VPS13D: variants seen among roughly 807,000 people sequenced by gnomAD.
VPS13D encodes the protein intermembrane lipid transfer protein VPS13D.
VPS13D carries 187 observed loss-of-function variants against 461.9 expected under a neutral mutation model. The ratio of observed to expected loss-of-function variants is 0.40; its 90% CI spans 0.36 to 0.46. VPS13D has a LOEUF of 0.46. Among genes scored for constraint, VPS13D ranks in the 20% least tolerant of loss-of-function variants. The pLI is 0.60. For synonymous variants in VPS13D, 1,951 were observed against 1,986.3 expected (o/e 0.98, Z 0.47); for missense variants, 4,711 against 5,364.9 (o/e 0.88, Z 3.81).
chr1:12,327,631 T>C lies in VPS13D; in HGVS notation c.7991-17T>C, dbSNP rs200485091. On this transcript the variant is annotated splice_polypyrimidine_tract_variant and intron_variant, in intron 35 of 69. Coordinates refer to ENST00000620676, the MANE Select transcript of VPS13D (RefSeq NM_015378.4). ...GTGGAAGCTGGTAGAACTGATCACT[T>C]CTTAATTTCTTTGAAGGCCAATTGA... is the stretch of plus-strand genomic sequence containing the variant. The C allele has an allele frequency of 2.2e-4, 361 of 1,613,610 alleles. No individual in the cohort carries two copies. In the African/African-American group the frequency reaches 4.4e-3, roughly 20 times the overall value.
chr1:12,424,240 T>A (rs962592012), intron 65 of VPS13D, among the ~76,000 whole-genome samples: 64 of 152,228 alleles, frequency 4.2e-4, no homozygotes, highest in African/African-American at 1.3e-3. Flanking sequence ...CCCGAGGGAT[T>A]TCTTTTCCAG....
chr1:12,244,551 G>C lies in VPS13D; in HGVS notation c.381G>C (p.Gln127His). Residue 127 changes from glutamine (Q) to histidine (H), a missense_variant, in exon 5 of 70, where the codon CAG becomes CAC. Gln to His is a conservative substitution (Grantham distance 24). Coordinates refer to ENST00000620676, the MANE Select transcript of VPS13D (RefSeq NM_015378.4). ...LEEKWKNDRQ[Q>H]KGESYWYSVT... ...TGTCTTTGTAGAATGACCGCCAGCAGAAAGGGGAGTCCTATTGGTATTCAG... is the reference window on the plus strand; with the variant it reads ...TGTCTTTGTAGAATGACCGCCAGCACAAAGGGGAGTCCTATTGGTATTCAG... The C allele has an allele frequency of 6.2e-7, 1 of 1,614,226 alleles. No homozygotes were observed. Among genetic ancestry groups the C allele is most frequent in the East Asian group, 2.2e-5 (1 of 44,892 alleles).
At chr1:12,305,144 G>A (rs1029435026) in intron 26 of VPS13D, among the ~76,000 whole-genome samples, 3 of 152,150 alleles carry the variant, frequency 2.0e-5, no homozygotes, top group Non-Finnish European at 2.9e-5. Flanking sequence ...CGTAAATTAG[G>A]CAACAACAGA....
intron 46 of VPS13D, among the ~76,000 whole-genome samples, chr1:12,351,038 C>T (rs1643779795): frequency 1.3e-5 from 2 of 152,162 alleles, no homozygotes; most frequent in Admixed American, 6.5e-5. Flanking sequence ...AGAACTTCAA[C>T]TGTTAGAAAA....
intron 67 of VPS13D, among the ~76,000 whole-genome samples, chr1:12,487,806 G>A (rs997234662): frequency 2.6e-5 from 4 of 152,248 alleles, no homozygotes; most frequent in Non-Finnish European, 2.9e-5. Flanking sequence ...GCGGTTGTAC[G>A]TACTAAGATT....
At chr1:12,408,091 C>T (rs1351957571) in intron 63 of VPS13D, among the ~76,000 whole-genome samples, 1 of 152,134 alleles carries the variant, frequency 6.6e-6, no homozygotes, top group East Asian at 1.9e-4. Context: ...GAAAATAAGG[C>T]CTGCTCACGT....
In VPS13D at chr1:12,401,720, C is replaced by T. The variant is rs755489755; in HGVS notation, c.11881+16C>T. 165 of 1,598,362 alleles carry T rather than the reference C, an allele frequency of 1.0e-4. 2 individuals carry two copies. The South Asian group carries it at 1.7e-3, about 16-fold the overall frequency. On this transcript the variant is annotated intron_variant, in intron 62 of 69. Transcript: ENST00000620676. ...GCAGAATCAGGTAATGTTGAATGTT[C>T]TATGTCTGTGTTTGGGAATTGGTCC...
intron 49 of VPS13D, 150 bp from the exon 50 acceptor site, chr1:12,358,309 C>T (rs1643904832): frequency 2.8e-6 from 3 of 1,076,870 alleles, no homozygotes; most frequent in Non-Finnish European, 3.9e-6. Context: ...AATTTTGTCA[C>T]TGTGCTAGGG....
Position 12,509,060 on chromosome 1 carries a change from G to C in VPS13D, c.*36G>C, listed in dbSNP as rs920079885. 6.2e-7 allele frequency: 1 copy of C among 1,604,456 alleles called. No homozygotes were observed. Among genetic ancestry groups the C allele is most frequent in the South Asian group, 1.1e-5 (1 of 88,994 alleles). On this transcript the variant is annotated 3_prime_UTR_variant, in exon 70 of 70. Coordinates refer to ENST00000620676, the MANE Select transcript of VPS13D (RefSeq NM_015378.4). ...CTGAGATGGGCGCTCCCGACACAGC[G>C]CAGACCCACCAGGAGGAAAGAGGCC... is the stretch of plus-strand genomic sequence containing the variant.
chr1:12,491,887 C>T (rs777101354), intron 67 of VPS13D, among the ~76,000 whole-genome samples: 9 of 152,180 alleles, frequency 5.9e-5, no homozygotes, highest in Non-Finnish European at 1.0e-4. Flanking sequence ...TTAACATGGC[C>T]GACAAGCTCC....
intron 67 of VPS13D, among the ~76,000 whole-genome samples, chr1:12,466,007 C>T (rs764459362): frequency 6.6e-5 from 10 of 152,102 alleles, no homozygotes; most frequent in South Asian, 2.1e-4. Context: ...TGGTGGTGCG[C>T]GCCTGTACTC....
rs529231634 is a variant in VPS13D, at chr1:12,314,064, A to G, written c.6936-51A>G. The G allele has an allele frequency of 1.7e-5, 26 of 1,539,924 alleles. 1 individual carries two copies. The Middle Eastern group carries it at 1.0e-3, about 60-fold the overall frequency. ...ATCTCGAACTTATATACTTTTGTAA[A>G]ATGGAAGAGTTGTGTTTCACATCTT... On this transcript the variant is annotated intron_variant, in intron 29 of 69. Coordinates refer to ENST00000620676, the MANE Select transcript of VPS13D (RefSeq NM_015378.4).
intron 65 of VPS13D, among the ~76,000 whole-genome samples, chr1:12,452,939 G>T (rs761516552): frequency 3.3e-5 from 5 of 152,190 alleles, no homozygotes; most frequent in Non-Finnish European, 7.3e-5. Flanking sequence ...CAGAGAAACA[G>T]GAATTCAGAC....
rs746032796 is a variant in VPS13D at position 12,363,226 on chromosome 1, A to G, written c.10427A>G (p.Asn3476Ser). The change falls in exon 52 of 70, where the codon AAT (asparagine) becomes AGT (serine). Residue 3476 changes from asparagine to serine, a missense_variant. Physicochemically the swap from Asn to Ser is conservative, Grantham distance 46 (BLOSUM62 1). Coordinates refer to ENST00000620676, the MANE Select transcript of VPS13D (RefSeq NM_015378.4). Reference sequence around the variant, plus strand: ...GGAGGCTTTGAAGTCAACAAGAATAATTCCTTCCATATCAACATGAGGTAA... The same window carrying G: ...GGAGGCTTTGAAGTCAACAAGAATAGTTCCTTCCATATCAACATGAGGTAA... ...WSGGFEVNKN[N>S]SFHINMRDTL... is the part of the protein sequence containing the mutation. The G allele has an allele frequency of 3.1e-6, 5 of 1,614,048 alleles. No homozygotes were observed. Among genetic ancestry groups the G allele is most frequent in the Non-Finnish European group, 3.4e-6 (4 of 1,180,046 alleles).
chr1:12,318,187 A>G lies in VPS13D; in HGVS notation c.7264A>G (p.Lys2422Glu), dbSNP rs1642939758. The change falls in exon 31 of 70, where the codon AAA (lysine) becomes GAA (glutamate). Residue 2422 changes from lysine to glutamate, a missense_variant. Transcript: ENST00000620676. ...TCTCCACACTCCCAGTGATATTAAG[A>G]AACAAAATCATGTTACTCCTTCTCG... is the stretch of plus-strand genomic sequence containing the variant. ...DFLHTPSDIK[K>E]QNHVTPSRHR... The G allele has an allele frequency of 1.2e-6, 2 of 1,614,100 alleles. No homozygotes were observed. The highest frequency in any genetic ancestry group is 1.7e-6 in the Non-Finnish European group (2 of 1,180,040).
intron 27 of VPS13D, among the ~76,000 whole-genome samples, chr1:12,310,906 T>TC (rs1557701433): frequency 1.8e-4 from 25 of 141,508 alleles, no homozygotes; most frequent in African/African-American, 6.4e-4. Context: ...CCTCCTTCCC[T>TC]CCTTCCCTCC....
At chr1:12,353,138 G>A (rs938612807) in intron 46 of VPS13D, among the ~76,000 whole-genome samples, 3 of 151,890 alleles carry the variant, frequency 2.0e-5, no homozygotes, top group African/African-American at 7.3e-5. Flanking sequence ...TAAATTAACA[G>A]CAATTTATTC....
intron 19 of VPS13D, among the ~76,000 whole-genome samples, chr1:12,278,571 A>G (rs1641686812): frequency 6.6e-6 from 1 of 152,202 alleles, no homozygotes; most frequent in South Asian, 2.1e-4. Context: ...AGCCGCGCCC[A>G]GGCAGGAATT....
At chr1:12,342,758 T>A in intron 41 of VPS13D, 141 bp from the exon 42 acceptor site, 2 of 935,290 alleles carry the variant, frequency 2.1e-6, no homozygotes, top group South Asian at 5.4e-5. Context: ...ACCCTCAAGG[T>A]CATTCTTTGT....
Sources: allele counts gnomAD v4.1 joint callset (sites outside exome capture counted in the v4.1 genomes callset), GRCh38; gene constraint gnomAD v4.1.1; transcripts MANE v1.5; gene names NCBI Gene and HGNC (gene_info 2026-07-23, HGNC 2026-07-21).